The following GPATCH2 variants were observed in gnomAD, a reference collection of about 807,000 sequenced individuals.
GPATCH2 encodes the protein G-patch domain containing 2.
In GPATCH2, 51 loss-of-function variants were observed where a neutral mutation model predicts 58.0. The observed-to-expected ratio is 0.88, with a 90% CI of 0.70 to 1.11. The LOEUF is 1.11. Ranked by LOEUF, GPATCH2 falls within the 50% of genes most tolerant of loss-of-function variation. GPATCH2 has a pLI of 0.00. For missense variants in GPATCH2, 625 were observed against 652.2 expected, an observed-to-expected ratio of 0.96 and a Z score of 0.45; for synonymous variants, 222 against 218.5, an observed-to-expected ratio of 1.02 and a Z score of -0.14.
chr1:217,544,599 T>C (rs1217514056), intron 5 of GPATCH2, among the ~76,000 whole-genome samples: 1 of 152,176 alleles, frequency 6.6e-6, no homozygotes, highest in African/African-American at 2.4e-5. Flanking sequence ...GGCTGCTAAC[T>C]GCTATTGGAA....
chr1:217,613,248 G>A (rs1286838979), intron 3 of GPATCH2, among the ~76,000 whole-genome samples: 3 of 151,832 alleles, frequency 2.0e-5, no homozygotes, highest in African/African-American at 7.3e-5. Context: ...TAGTTTACAA[G>A]CAGGCAAAAA....
chr1:217,479,510 C>A (rs1206879181), intron 8 of GPATCH2, among the ~76,000 whole-genome samples: 1 of 151,942 alleles, frequency 6.6e-6, no homozygotes, highest in East Asian at 1.9e-4. Context: ...AAAAAGCCTA[C>A]AACAGATGAC....
chr1:217,596,242 C>T (rs1439999455), intron 5 of GPATCH2, among the ~76,000 whole-genome samples: 2 of 152,050 alleles, frequency 1.3e-5, no homozygotes, highest in African/African-American at 2.4e-5. Context: ...ATTAAATTGA[C>T]CAAAATATCT....
intron 9 of GPATCH2, among the ~76,000 whole-genome samples, chr1:217,445,311 TA>T (rs1659337744): frequency 6.6e-6 from 1 of 152,116 alleles, no homozygotes; most frequent in Admixed American, 6.6e-5. Flanking sequence ...CAAAATTTTT[TA>T]AAAATATAGT....
At chr1:217,477,826 G>A (rs1225218581) in intron 8 of GPATCH2, among the ~76,000 whole-genome samples, 1 of 152,156 alleles carries the variant, frequency 6.6e-6, no homozygotes, top group Admixed American at 6.5e-5. Flanking sequence ...GTCAGGGAGT[G>A]TGGTTACAAC....
intron 1 of GPATCH2, among the ~76,000 whole-genome samples, chr1:217,628,862 T>C (rs1669589370): frequency 6.6e-6 from 1 of 152,058 alleles, no homozygotes; most frequent in Non-Finnish European, 1.5e-5. Flanking sequence ...ACTGCTAGGT[T>C]ACATATTCCT....
chr1:217,548,002 T>A (rs1665149874), intron 5 of GPATCH2, among the ~76,000 whole-genome samples: 1 of 152,216 alleles, frequency 6.6e-6, no homozygotes, highest in African/African-American at 2.4e-5. Flanking sequence ...CCTTTTGCCT[T>A]CTGCCATGAT....
chr1:217,530,975 T>C (rs567914063), intron 5 of GPATCH2, among the ~76,000 whole-genome samples: 18 of 151,960 alleles, frequency 1.2e-4, no homozygotes, highest in African/African-American at 4.4e-4. Context: ...GGCAGACCAG[T>C]TGAATACATG....
At chr1:217,515,697 G>T (rs1663101975) in intron 5 of GPATCH2, among the ~76,000 whole-genome samples, 1 of 150,148 alleles carries the variant, frequency 6.7e-6, no homozygotes, top group Non-Finnish European at 1.5e-5. Flanking sequence ...GACAGAGCAA[G>T]ACTCTGTCTC....
intron 8 of GPATCH2, among the ~76,000 whole-genome samples, chr1:217,455,262 C>T (rs962322439): frequency 6.6e-6 from 1 of 152,132 alleles, no homozygotes; most frequent in Admixed American, 6.5e-5. Flanking sequence ...TTGCCTTGAC[C>T]TCCTAGATGC....
At chr1:217,498,046 T>C (rs1662098044) in intron 7 of GPATCH2, 3 of 470,812 alleles carry the variant, frequency 6.4e-6, no homozygotes, top group Admixed American at 3.8e-5. Flanking sequence ...TGTACTGTTT[T>C]GATACCTTAA....
chr1:217,437,815 G>A (rs1020321761), intron 9 of GPATCH2, among the ~76,000 whole-genome samples: 10 of 152,214 alleles, frequency 6.6e-5, no homozygotes, highest in African/African-American at 2.4e-4. Flanking sequence ...AGCTTCAGCA[G>A]ACTTAAACAT....
chr1:217,556,159 T>C (rs1665606079), intron 5 of GPATCH2, among the ~76,000 whole-genome samples: 2 of 152,198 alleles, frequency 1.3e-5, no homozygotes, highest in African/African-American at 2.4e-5. Context: ...TCCTAACATC[T>C]ATTGCTTTGA....
intron 8 of GPATCH2, among the ~76,000 whole-genome samples, chr1:217,486,129 C>T (rs2102524976): frequency 6.6e-6 from 1 of 152,296 alleles, no homozygotes; most frequent in Admixed American, 6.5e-5. Flanking sequence ...GAAAACCGAT[C>T]TTAAGATATT....
At chr1:217,509,360 C>G (rs1662726374) in intron 6 of GPATCH2, among the ~76,000 whole-genome samples, 2 of 152,072 alleles carry the variant, frequency 1.3e-5, no homozygotes, top group Admixed American at 1.3e-4. Flanking sequence ...ATAAAAGCAA[C>G]ATGTCTACTG....
At chr1:217,545,504 A>G (rs1664995741) in intron 5 of GPATCH2, among the ~76,000 whole-genome samples, 1 of 152,234 alleles carries the variant, frequency 6.6e-6, no homozygotes, top group African/African-American at 2.4e-5. Flanking sequence ...AATAAAAGGA[A>G]AGGATTTTCT....
At chr1:217,548,469 A>G (rs982164648) in intron 5 of GPATCH2, among the ~76,000 whole-genome samples, 3 of 152,196 alleles carry the variant, frequency 2.0e-5, no homozygotes, top group Admixed American at 1.3e-4. Flanking sequence ...GCTTCTCTCA[A>G]TCTTCGCAAA....
At chr1:217,514,714 T>G (rs943145672) in intron 6 of GPATCH2, 108 bp downstream of exon 6, 1 of 547,662 alleles carries the variant, frequency 1.8e-6, no homozygotes, top group Non-Finnish European at 3.4e-6. Flanking sequence ...TACTTACTCT[T>G]TTTAAAAAGT....
intron 8 of GPATCH2, among the ~76,000 whole-genome samples, chr1:217,454,611 C>T (rs1431032036): frequency 2.9e-5 from 3 of 101,780 alleles, no homozygotes; most frequent in Non-Finnish European, 2.1e-5. Flanking sequence ...AAAAAAAAAA[C>T]CTTTCCTTTT....
Sources: allele counts gnomAD v4.1 joint callset (sites outside exome capture counted in the v4.1 genomes callset), GRCh38; gene constraint gnomAD v4.1.1; transcripts MANE v1.5; gene names NCBI Gene and HGNC (gene_info 2026-07-23, HGNC 2026-07-21).